SPRYD4: variants seen among roughly 807,000 people sequenced by gnomAD.
SPRYD4 encodes the protein SPRY domain containing 4.
Under a neutral mutation model 16.6 loss-of-function variants are expected in SPRYD4, and 12 were observed. The ratio of observed to expected loss-of-function variants is 0.72; its 90% confidence interval spans 0.46 to 1.17. SPRYD4 has a LOEUF of 1.17. Among genes scored for constraint, SPRYD4 ranks in the 50% most tolerant of loss-of-function variants. The pLI, the probability that SPRYD4 is intolerant of heterozygous loss-of-function variation, is 0.00. For synonymous variants in SPRYD4, 98 were observed against 105.4 expected (o/e 0.93, Z 0.43); for missense variants, 260 against 260.2 (o/e 1.00, Z 0.00).
At position 56,468,631 on chromosome 12, in the gene SPRYD4, TG is replaced by T; in HGVS notation, c.44del (p.Gly15GlufsTer52). The T allele has an allele frequency of 6.2e-7, 1 of 1,614,058 alleles. No homozygotes were observed. Among genetic ancestry groups the T allele is most frequent in the South Asian group, 1.1e-5 (1 of 91,076 alleles). On this transcript the variant is annotated frameshift_variant, in exon 1 of 2. Transcript: ENST00000338146. LOFTEE classifies it high-confidence loss of function. ...LFARSLRLCR[W>X]GAKRLGVAST... ...TGCACGTTCTTTGCGCTTGTGCCGCTGGGGAGCCAAACGATTGGGAGTTGCC... is the reference window on the plus strand; with the variant it reads ...TGCACGTTCTTTGCGCTTGTGCCGCTGGGAGCCAAACGATTGGGAGTTGCC...
Position 56,478,427 on chromosome 12 carries a change from T to C in SPRYD4, c.*8850T>C, listed in dbSNP as rs1870015159. On this transcript the variant is annotated 3_prime_UTR_variant, in exon 2 of 2. Transcript: ENST00000338146. ...CTCCCAGAAATGCCCGAGCCTTAAG[T>C]CCTAGAAGGCCATATCTTTGTGTAT... The C allele has an allele frequency of 7.6e-6, 5 of 656,386 alleles. No homozygotes were observed. Among genetic ancestry groups the C allele is most frequent in the East Asian group, 5.5e-5 (2 of 36,398 alleles). 40.7% of individuals were successfully genotyped at this position (656,386 alleles called of 1,614,324 possible). A position where few individuals can be genotyped will look rare whatever the true frequency, so the allele number is the denominator to read the frequency against.
Position 56,469,185 on chromosome 12 carries a change from CTGGCAGACACAGCGGTCACCAG to C in SPRYD4, c.243_264del (p.Ala82ThrfsTer4). ...GCGCTTCCGGGAGTGGGCAGTGGTG[CTGGCAGACACAGCGGTCACCAG>C]TGGCAGACACTACTGGGAAGTGACA... is the stretch of plus-strand genomic sequence containing the variant. On this transcript the variant is annotated frameshift_variant, in exon 2 of 2. Coordinates refer to ENST00000338146, the MANE Select transcript of SPRYD4 (RefSeq NM_207344.4). LOFTEE classifies it high-confidence loss of function. The C allele has an allele frequency of 3.1e-6, 5 of 1,614,120 alleles. No homozygotes were observed. The highest frequency in any genetic ancestry group is 1.7e-5 in the Admixed American group (1 of 60,018).
chr12:56,475,747 T>A lies in SPRYD4; in HGVS notation c.*6170T>A, dbSNP rs1869749864. The A allele has an allele frequency of 6.4e-7, 1 of 1,556,464 alleles. No individual in the cohort carries two copies. The highest frequency in any genetic ancestry group is 1.7e-5 in the Admixed American group (1 of 59,694). ...AGAAGCTCTATTAATACCTCACAGG[T>A]TGACTAGCCCTTCTGAACTCAGGTC... On this transcript the variant is annotated 3_prime_UTR_variant, in exon 2 of 2. Coordinates refer to ENST00000338146, the MANE Select transcript of SPRYD4 (RefSeq NM_207344.4).
chr12:56,473,094 T>C lies in SPRYD4; in HGVS notation c.*3517T>C, dbSNP rs770950067. 3 of 787,676 alleles carry C rather than the reference T, an allele frequency of 3.8e-6. No homozygotes were observed. The highest frequency in any genetic ancestry group is 1.7e-5 in the South Asian group (1 of 57,562). 48.8% of individuals were successfully genotyped at this position (787,676 alleles called of 1,614,324 possible). On this transcript the variant is annotated 3_prime_UTR_variant, in exon 2 of 2. Coordinates refer to ENST00000338146, the MANE Select transcript of SPRYD4 (RefSeq NM_207344.4). ...TCAATAGAGACCAGGTTTCACCGTG[T>C]TAGCCAGGATGGTCTTGATCTCCTG...
rs111689036 is a variant in SPRYD4 at position 56,471,911 on chromosome 12, G to A, written c.*2334G>A. On this transcript the variant is annotated 3_prime_UTR_variant, in exon 2 of 2. Transcript: ENST00000338146. Reference sequence around the variant, plus strand: ...TTGGTGCAGACACTTAGCCACTGAAGTCTTTACCAAGAGGGGAGGGGAAAA... The same window carrying A: ...TTGGTGCAGACACTTAGCCACTGAAATCTTTACCAAGAGGGGAGGGGAAAA... 1 of 1,493,780 alleles carries A rather than the reference G, an allele frequency of 6.7e-7. No homozygotes were observed. The highest frequency in any genetic ancestry group is 9.3e-7 in the Non-Finnish European group (1 of 1,072,602). The allele number at this position is 1,493,780 out of a possible 1,614,324, so 92.5% of individuals were successfully genotyped here.
chr12:56,472,288 G>T lies in SPRYD4; in HGVS notation c.*2711G>T. The T allele has an allele frequency of 8.4e-7, 1 of 1,196,098 alleles. No individual in the cohort carries two copies. Among genetic ancestry groups the T allele is most frequent in the Non-Finnish European group, 1.2e-6 (1 of 809,514 alleles). 74.1% of individuals were successfully genotyped at this position (1,196,098 alleles called of 1,614,324 possible). A position where few individuals can be genotyped will look rare whatever the true frequency, so the allele number is the denominator to read the frequency against. ...CTGGTGTCAGACTGGATGAGTTTCA[G>T]AGAAAGTGAAACAGCCTATAGCCAG... On this transcript the variant is annotated 3_prime_UTR_variant, in exon 2 of 2. Transcript: ENST00000338146.
rs1449946528 is a variant in SPRYD4 at position 56,469,199 on chromosome 12, G to A, written c.246G>A (p.Ala82=). Residue 82 remains alanine (A), a synonymous_variant, in exon 2 of 2, where the codon GCG becomes GCA. Transcript: ENST00000338146. ...GGGCAGTGGTGCTGGCAGACACAGC[G>A]GTCACCAGTGGCAGACACTACTGGG... The part of the protein sequence containing the change: ...REWAVVLADT[A]VTSGRHYWEV... 1.9e-6 allele frequency: 3 copies of A among 1,614,026 alleles called. No individual in the cohort carries two copies. Among genetic ancestry groups the A allele is most frequent in the African/African-American group, 1.3e-5 (1 of 74,904 alleles).
chr12:56,469,829 C>CT lies in SPRYD4; in HGVS notation c.*254dup. 1 of 516,888 alleles carries CT rather than the reference C, an allele frequency of 1.9e-6. No individual in the cohort carries two copies. Among genetic ancestry groups the CT allele is most frequent in the Non-Finnish European group, 3.5e-6 (1 of 287,232 alleles). The allele number at this position is 516,888 out of a possible 1,614,324, so 32.0% of individuals were successfully genotyped here. A position where few individuals can be genotyped will look rare whatever the true frequency, so the allele number is the denominator to read the frequency against. On this transcript the variant is annotated 3_prime_UTR_variant, in exon 2 of 2. Transcript: ENST00000338146. ...CCATGGGTGTATCTTCCTTGACCTG[C>CT]TTCCTTCAGTCCCTCTGCCTCCCTT...
chr12:56,472,298 A>G lies in SPRYD4; in HGVS notation c.*2721A>G, dbSNP rs1387763265. ...ACTGGATGAGTTTCAGAGAAAGTGA[A>G]ACAGCCTATAGCCAGATTTGTTGGC... is the stretch of plus-strand genomic sequence containing the variant. On this transcript the variant is annotated 3_prime_UTR_variant, in exon 2 of 2. Transcript: ENST00000338146. The G allele has an allele frequency of 9.8e-7, 1 of 1,021,598 alleles. No homozygotes were observed. The highest frequency in any genetic ancestry group is 1.6e-5 in the African/African-American group (1 of 63,126). 63.3% of individuals were successfully genotyped at this position (1,021,598 alleles called of 1,614,324 possible).
rs1869242480 is a variant in SPRYD4 at position 56,471,373 on chromosome 12, C to T, written c.*1796C>T. 1 of 1,150,364 alleles carries T rather than the reference C, an allele frequency of 8.7e-7. No individual in the cohort carries two copies. The highest frequency in any genetic ancestry group is 1.2e-6 in the Non-Finnish European group (1 of 831,300). The allele number at this position is 1,150,364 out of a possible 1,614,324, so 71.3% of individuals were successfully genotyped here. On this transcript the variant is annotated 3_prime_UTR_variant, in exon 2 of 2. Transcript: ENST00000338146. ...AGCACTAGCCTAAGTCACCAAATGA[C>T]TGCTTGGTCCCCACTGAAGCAGTGT... is the stretch of plus-strand genomic sequence containing the variant.
chr12:56,478,018 G>A lies in SPRYD4; in HGVS notation c.*8441G>A. Reference sequence around the variant, plus strand: ...TGTGCACGTAGTCAGTGCCTAGGGTGCTTATGGAGATGGCATAGGTGAGGG... The same window carrying A: ...TGTGCACGTAGTCAGTGCCTAGGGTACTTATGGAGATGGCATAGGTGAGGG... On this transcript the variant is annotated 3_prime_UTR_variant, in exon 2 of 2. Transcript: ENST00000338146. 1.2e-6 allele frequency: 2 copies of A among 1,614,260 alleles called. No individual in the cohort carries two copies. The highest frequency in any genetic ancestry group is 1.7e-6 in the Non-Finnish European group (2 of 1,180,052).
In SPRYD4 at chr12:56,477,812, G is replaced by A. The variant is rs546570567; in HGVS notation, c.*8235G>A. 3.6e-5 allele frequency: 56 copies of A among 1,542,308 alleles called. 1 individual carries two copies. In the South Asian group the frequency reaches 5.9e-4, roughly 16 times the overall value. ...GTGGGTTAGACAAGAAAGACTGCTA[G>A]GGAGAAAGGCATGACAGGGCTAATC... is the stretch of plus-strand genomic sequence containing the variant. On this transcript the variant is annotated 3_prime_UTR_variant, in exon 2 of 2. Coordinates refer to ENST00000338146, the MANE Select transcript of SPRYD4 (RefSeq NM_207344.4).
chr12:56,471,426 TGG>T lies in SPRYD4; in HGVS notation c.*1850_*1851del. 11 of 1,524,626 alleles carry T rather than the reference TGG, an allele frequency of 7.2e-6. No homozygotes were observed. The highest frequency in any genetic ancestry group is 4.0e-5 in the Admixed American group (2 of 50,184). The allele number at this position is 1,524,626 out of a possible 1,614,324, so 94.4% of individuals were successfully genotyped here. A position where few individuals can be genotyped will look rare whatever the true frequency, so the allele number is the denominator to read the frequency against. The stretch of plus-strand genomic sequence containing the variant: ...CTCTCCATAGTATTTTTGGTGGTTA[TGG>T]ATTACATGTGTGGCCAGCTCATGCT... On this transcript the variant is annotated 3_prime_UTR_variant, in exon 2 of 2. Transcript: ENST00000338146.
chr12:56,472,141 A>G lies in SPRYD4; in HGVS notation c.*2564A>G. ...TACCTTCAGCTGCAGCAACATGCAG[A>G]GCTGTGCGCGAGTCATAGTCTTTCT... On this transcript the variant is annotated 3_prime_UTR_variant, in exon 2 of 2. Transcript: ENST00000338146. The G allele has an allele frequency of 6.2e-7, 1 of 1,614,176 alleles. No homozygotes were observed. Among genetic ancestry groups the G allele is most frequent in the East Asian group, 2.2e-5 (1 of 44,884 alleles).
chr12:56,469,040 C>T lies in SPRYD4; in HGVS notation c.87C>T (p.Gly29=). ...CCCGTCTTTTTGCTCTGCCCGCAGG[C>T]GTCAGTTTCAAACTGGAAGAAAAAA... ...LGVASTEAQR[G]VSFKLEEKTA... Residue 29 remains glycine, a splice_region_variant and synonymous_variant, in exon 2 of 2, where the codon GGC becomes GGT. Transcript: ENST00000338146. 6 of 1,558,172 alleles carry T rather than the reference C, an allele frequency of 3.9e-6. No individual in the cohort carries two copies. The highest frequency in any genetic ancestry group is 4.3e-6 in the Non-Finnish European group (5 of 1,152,066).
At chr12:56,468,920 G>T in intron 1 of SPRYD4, 119 bp from the exon 2 acceptor site, 1 of 1,328,646 alleles carries the variant, frequency 7.5e-7, no homozygotes, top group Non-Finnish European at 1.0e-6. Context: ...TGCCCGCTTG[G>T]CATTCTGACT....
rs1450487568 is a variant in SPRYD4, at chr12:56,477,330, G to C, written c.*7753G>C. 4.2e-5 allele frequency: 9 copies of C among 216,128 alleles called. No individual in the cohort carries two copies. In the Admixed American group the frequency reaches 4.8e-4, roughly 11 times the overall value. The allele number at this position is 216,128 out of a possible 1,614,324, so 13.4% of individuals were successfully genotyped here. On this transcript the variant is annotated 3_prime_UTR_variant, in exon 2 of 2. Coordinates refer to ENST00000338146, the MANE Select transcript of SPRYD4 (RefSeq NM_207344.4). ...TGGCCAATCAGTGCCCAATAGTGCT[G>C]TCCTCCCCTTGTCTCTGGCATTTGG...
chr12:56,473,901 T>A lies in SPRYD4; in HGVS notation c.*4324T>A. 3.6e-6 allele frequency: 1 copy of A among 274,178 alleles called. No individual in the cohort carries two copies. Among genetic ancestry groups the A allele is most frequent in the Non-Finnish European group, 6.8e-6 (1 of 146,558 alleles). The allele number at this position is 274,178 out of a possible 1,614,324, so 17.0% of individuals were successfully genotyped here. Reference sequence around the variant, plus strand: ...AACAGGTAAATAAATAGACACGTAATGTTTAAAGTAATTGTGATAAATAGT... The same window carrying A: ...AACAGGTAAATAAATAGACACGTAAAGTTTAAAGTAATTGTGATAAATAGT... On this transcript the variant is annotated 3_prime_UTR_variant, in exon 2 of 2. Coordinates refer to ENST00000338146, the MANE Select transcript of SPRYD4 (RefSeq NM_207344.4).
rs1188298942 is a variant in SPRYD4 at position 56,476,495 on chromosome 12, T to G, written c.*6918T>G. ...ATTGGCCAGCATGATGGTTCATGCC[T>G]GTAATCTCAGCAATTTGGGGGGCTG... On this transcript the variant is annotated 3_prime_UTR_variant, in exon 2 of 2. Transcript: ENST00000338146. 6.3e-6 allele frequency: 1 copy of G among 158,064 alleles called. No homozygotes were observed. Among genetic ancestry groups the G allele is most frequent in the African/African-American group, 2.4e-5 (1 of 41,448 alleles). The allele number at this position is 158,064 out of a possible 1,614,324, so 9.8% of individuals were successfully genotyped here. A position where few individuals can be genotyped will look rare whatever the true frequency, so the allele number is the denominator to read the frequency against.
Sources: allele counts gnomAD v4.1 joint callset, GRCh38; gene constraint gnomAD v4.1.1; transcripts MANE v1.5; gene names NCBI Gene and HGNC (gene_info 2026-07-23, HGNC 2026-07-21).